Variants in PDGFD observed in about 807,000 individuals in gnomAD.
PDGFD encodes the protein platelet-derived growth factor D.
PDGFD carries 30 observed loss-of-function variants against 44.7 expected under a neutral mutation model. That is an observed-to-expected ratio of 0.67 (90% CI 0.50 to 0.91). The LOEUF is 0.91. Ranked by LOEUF, PDGFD falls within the 40% of genes least tolerant of loss-of-function variation. The pLI, the probability that PDGFD is intolerant of heterozygous loss-of-function variation, is 0.00. For missense variants in PDGFD, 445 were observed against 457.8 expected, an observed-to-expected ratio of 0.97 and a Z score of 0.25; for synonymous variants, 173 against 168.4, an observed-to-expected ratio of 1.03 and a Z score of -0.21.
At chr11:104,044,897 G>A (rs868847609) in intron 1 of PDGFD, among the ~76,000 whole-genome samples, 2 of 152,158 alleles carry the variant, frequency 1.3e-5, no homozygotes, top group African/African-American at 2.4e-5. Flanking sequence ...AATTAGCTGG[G>A]CTTGGTGGCG....
intron 1 of PDGFD, among the ~76,000 whole-genome samples, chr11:104,005,789 C>T (rs752647841): frequency 6.6e-6 from 1 of 152,194 alleles, no homozygotes; most frequent in Non-Finnish European, 1.5e-5. Context: ...CAGTCTACTA[C>T]TTTCAGAGCA....
At chr11:104,036,443 CA>C (rs140080456) in intron 1 of PDGFD, 286 of 215,426 alleles carry the variant, frequency 1.3e-3, no homozygotes, top group South Asian at 3.1e-3. Context: ...GATCCTGTCT[CA>C]AAAAAAAATG....
intron 1 of PDGFD, chr11:104,038,206 T>C (rs1236493254): frequency 8.2e-6 from 5 of 609,664 alleles, no homozygotes; most frequent in Non-Finnish European, 1.4e-5. Flanking sequence ...ATTTCCCTTG[T>C]CCAGAGATCA....
chr11:104,094,377 T>C (rs772237646), intron 1 of PDGFD, among the ~76,000 whole-genome samples: 13 of 151,776 alleles, frequency 8.6e-5, no homozygotes, highest in Non-Finnish European at 1.6e-4. Flanking sequence ...TCTCCACAGG[T>C]CTTCTCATCC....
At chr11:104,045,729 G>A (rs1460720600) in intron 1 of PDGFD, among the ~76,000 whole-genome samples, 2 of 144,002 alleles carry the variant, frequency 1.4e-5, no homozygotes, top group Middle Eastern at 3.8e-3. Flanking sequence ...CACAAATAAT[G>A]ATGTTAGTTT....
At chr11:103,986,428 C>G (rs768834430) in intron 3 of PDGFD, among the ~76,000 whole-genome samples, 1 of 152,186 alleles carries the variant, frequency 6.6e-6, no homozygotes, top group Non-Finnish European at 1.5e-5. Flanking sequence ...TTTATGGGCA[C>G]ACAGCCCCTT....
intron 1 of PDGFD, among the ~76,000 whole-genome samples, chr11:104,017,433 C>A (rs569898688): frequency 1.1e-4 from 17 of 152,200 alleles, no homozygotes; most frequent in Non-Finnish European, 2.2e-4. Context: ...CTATCCATTG[C>A]AGAATGAGTC....
intron 1 of PDGFD, among the ~76,000 whole-genome samples, chr11:104,105,567 T>C (rs1392631110): frequency 6.6e-6 from 1 of 152,108 alleles, no homozygotes; most frequent in African/African-American, 2.4e-5. Context: ...TTAAACCACC[T>C]GGTTGTATAT....
At chr11:104,074,080 C>T (rs1386817521) in intron 1 of PDGFD, among the ~76,000 whole-genome samples, 1 of 152,160 alleles carries the variant, frequency 6.6e-6, no homozygotes, top group African/African-American at 2.4e-5. Flanking sequence ...TTGCCCATTT[C>T]TACTTCCTCT....
At chr11:104,010,260 C>T (rs1859763612) in intron 1 of PDGFD, among the ~76,000 whole-genome samples, 1 of 151,704 alleles carries the variant, frequency 6.6e-6, no homozygotes, top group Admixed American at 6.6e-5. Flanking sequence ...GCCATGCTCA[C>T]AGTAACAATT....
In PDGFD at chr11:103,971,473, C is replaced by T. The variant is rs140553678; in HGVS notation, c.511-23749G>A. ...TATTGAAAACCACTTTTTTTGCTTA[C>T]GGACATTTATTAATACTAAATTTTC... On this transcript the variant is annotated intron_variant, in intron 3 of 6. Coordinates refer to ENST00000393158, the MANE Select transcript of PDGFD (RefSeq NM_025208.5). Among the ~76,000 whole-genome samples the T allele has an allele frequency of 2.4e-3, 369 of 152,000 alleles. 2 individuals are homozygous for T. The highest frequency in any genetic ancestry group is 8.1e-3 in the African/African-American group (335 of 41,472).
At chr11:104,062,879 A>G (rs1860735493) in intron 1 of PDGFD, among the ~76,000 whole-genome samples, 1 of 152,198 alleles carries the variant, frequency 6.6e-6, no homozygotes, top group African/African-American at 2.4e-5. Flanking sequence ...ATATAGAGTA[A>G]CTGTCAGTGC....
intron 1 of PDGFD, among the ~76,000 whole-genome samples, chr11:104,057,356 A>G (rs1167977646): frequency 2.0e-5 from 3 of 152,236 alleles, no homozygotes; most frequent in Non-Finnish European, 4.4e-5. Context: ...AAAAATCCAC[A>G]GTCTGATATC....
chr11:103,997,640 T>C (rs1455612921), intron 2 of PDGFD, among the ~76,000 whole-genome samples: 1 of 152,134 alleles, frequency 6.6e-6, no homozygotes, highest in African/African-American at 2.4e-5. Context: ...CAACAAAATA[T>C]TACAATGTAA....
At position 104,066,676 on chromosome 11, in the gene PDGFD, A is replaced by G. The variant is rs185419397; in HGVS notation, c.125-66421T>C. 3.8e-3 allele frequency among the ~76,000 whole-genome samples: 585 copies of G among 152,292 alleles called. 9 individuals carry two copies. The highest frequency in any genetic ancestry group is 3.0e-3 in the Non-Finnish European group (204 of 68,018). On this transcript the variant is annotated intron_variant, in intron 1 of 6. Coordinates refer to ENST00000393158, the MANE Select transcript of PDGFD (RefSeq NM_025208.5). ...ATAAAGTAATGTTGAGGCTATTTCA[A>G]TAATATTCTTAAACATATCTTAGAT...
intron 3 of PDGFD, among the ~76,000 whole-genome samples, chr11:103,989,285 A>C (rs1210707818): frequency 2.6e-5 from 4 of 152,244 alleles, no homozygotes; most frequent in Admixed American, 2.6e-4. Context: ...GAAATAGTGA[A>C]TAAGAACACC....
chr11:104,149,104 T>C (rs1328038664), intron 1 of PDGFD, among the ~76,000 whole-genome samples: 1 of 152,202 alleles, frequency 6.6e-6, no homozygotes. Context: ...GCTAAGAACC[T>C]TGGGCTCAGA....
At chr11:103,979,530 G>T (rs1424125945) in intron 3 of PDGFD, among the ~76,000 whole-genome samples, 2 of 152,166 alleles carry the variant, frequency 1.3e-5, no homozygotes, top group East Asian at 3.9e-4. Context: ...CTTTCGTTGG[G>T]ACCTGCCATG....
At chr11:104,147,419 G>T (rs1432131303) in intron 1 of PDGFD, among the ~76,000 whole-genome samples, 1 of 152,072 alleles carries the variant, frequency 6.6e-6, no homozygotes, top group African/African-American at 2.4e-5. Context: ...TTACTTGATA[G>T]AATATATTTT....
Sources: allele counts gnomAD v4.1 joint callset (sites outside exome capture counted in the v4.1 genomes callset), GRCh38; gene constraint gnomAD v4.1.1; transcripts MANE v1.5; gene names NCBI Gene and HGNC (gene_info 2026-07-23, HGNC 2026-07-21).